Variants in KIF26B observed in about 807,000 individuals in gnomAD.
KIF26B encodes kinesin-like protein KIF26B.
A neutral mutation model predicts 151.2 loss-of-function variants in KIF26B; 63 were observed. That is an observed-to-expected ratio of 0.42 (90% CI 0.34 to 0.51). The LOEUF is 0.51. Among genes scored for constraint, KIF26B ranks in the 20% least tolerant of loss-of-function variants. KIF26B has a pLI of 0.07. For missense variants in KIF26B, 2,813 were observed against 2,913.6 expected (o/e 0.97, Z 0.79); for synonymous variants, 1,357 against 1,262.1 (o/e 1.08, Z -1.59).
chr1:245,354,837 A>G (rs1672649664), intron 2 of KIF26B, among the ~76,000 whole-genome samples: 1 of 152,244 alleles, frequency 6.6e-6, no homozygotes, highest in Non-Finnish European at 1.5e-5. Flanking sequence ...AGCAGGTGAG[A>G]AGGAATCAGA....
At chr1:245,158,898 C>T (rs1354730878) in intron 2 of KIF26B, among the ~76,000 whole-genome samples, 1 of 151,210 alleles carries the variant, frequency 6.6e-6, no homozygotes, top group Non-Finnish European at 1.5e-5. Flanking sequence ...TTGTACCTTG[C>T]ATTTAGGTAC....
intron 2 of KIF26B, among the ~76,000 whole-genome samples, chr1:245,364,229 G>A (rs1234678000): frequency 2.0e-5 from 3 of 152,128 alleles, no homozygotes; most frequent in Non-Finnish European, 4.4e-5. Context: ...GCTGAATAAA[G>A]AAGGTGGTGC....
At chr1:245,640,122 G>GCTCTCTCTCTCTCTCTCTCTCTTTCT (rs376565844) in intron 9 of KIF26B, among the ~76,000 whole-genome samples, 1 of 53,974 alleles carries the variant, frequency 1.9e-5, no homozygotes, top group African/African-American at 7.5e-5. Context: ...ACTAATATTT[G>GCTCTCTCTCTCTCTCTCTCTCTTTCT]CTCTCTCTCT....
intron 2 of KIF26B, among the ~76,000 whole-genome samples, chr1:245,335,710 T>C (rs111474319): frequency 0.02 from 1,464 of 74,426 alleles, 15 homozygotes; most frequent in Middle Eastern, 0.097. Context: ...GGGTCCCACG[T>C]GGGGAAAGAA....
chr1:245,565,581 C>T (rs12734888), intron 5 of KIF26B, among the ~76,000 whole-genome samples: 20,632 of 152,188 alleles, frequency 0.14, 1,779 homozygotes, highest in Non-Finnish European at 0.19. Context: ...TGAGCCACTG[C>T]GCCGAGCCTC....
intron 2 of KIF26B, among the ~76,000 whole-genome samples, chr1:245,182,800 T>C (rs1250893247): frequency 6.6e-6 from 1 of 152,092 alleles, no homozygotes; most frequent in Non-Finnish European, 1.5e-5. Flanking sequence ...CATGCCTGGC[T>C]AATTTTTTGT....
intron 3 of KIF26B, among the ~76,000 whole-genome samples, chr1:245,378,366 A>G (rs1673325769): frequency 6.6e-6 from 1 of 151,980 alleles, no homozygotes; most frequent in South Asian, 2.1e-4. Context: ...GAATGTGGCT[A>G]TTATCACCCA....
At chr1:245,169,917 T>C (rs934937780) in intron 2 of KIF26B, among the ~76,000 whole-genome samples, 1 of 152,150 alleles carries the variant, frequency 6.6e-6, no homozygotes, top group Non-Finnish European at 1.5e-5. Flanking sequence ...AGAGGATTTA[T>C]TTATGCTGCT....
chr1:245,530,338 T>C (rs1661333908), intron 4 of KIF26B, among the ~76,000 whole-genome samples: 1 of 152,124 alleles, frequency 6.6e-6, no homozygotes, highest in African/African-American at 2.4e-5. Context: ...TGGGTATTTA[T>C]CCAAAGGATA....
chr1:245,561,991 G>T (rs529329511), intron 5 of KIF26B, among the ~76,000 whole-genome samples: 17 of 152,286 alleles, frequency 1.1e-4, no homozygotes, highest in African/African-American at 4.1e-4. Context: ...ACTCTTCAGT[G>T]GTTTCTCCCA....
At chr1:245,249,786 A>G (rs1353351922) in intron 2 of KIF26B, among the ~76,000 whole-genome samples, 5 of 152,138 alleles carry the variant, frequency 3.3e-5, no homozygotes, top group Admixed American at 2.6e-4. Context: ...TCAAAATGCA[A>G]TTTATTTTGG....
At chr1:245,348,372 G>T (rs1672500508) in intron 2 of KIF26B, among the ~76,000 whole-genome samples, 1 of 152,120 alleles carries the variant, frequency 6.6e-6, no homozygotes, top group African/African-American at 2.4e-5. Flanking sequence ...GTCTTAGTCT[G>T]CTCAGGCTGA....
chr1:245,669,568 G>A (rs775429883), intron 10 of KIF26B, among the ~76,000 whole-genome samples: 7 of 152,192 alleles, frequency 4.6e-5, no homozygotes, highest in Non-Finnish European at 7.3e-5. Context: ...CAAGGAGCAC[G>A]TGAAAAGATA....
chr1:245,206,437 G>A (rs756029717), intron 2 of KIF26B: 1 of 152,260 alleles, frequency 6.6e-6, no homozygotes, highest in Non-Finnish European at 1.5e-5. Context: ...GGGAAAGGGA[G>A]TGGGGATAGA....
intron 5 of KIF26B, among the ~76,000 whole-genome samples, chr1:245,580,973 G>A (rs1273566118): frequency 4.6e-5 from 7 of 152,178 alleles, no homozygotes; most frequent in East Asian, 3.8e-4. Context: ...ACGCAGACCC[G>A]AGACAAGGGT....
intron 2 of KIF26B, among the ~76,000 whole-genome samples, chr1:245,302,328 C>T (rs1452725385): frequency 2.0e-5 from 3 of 152,206 alleles, no homozygotes; most frequent in Non-Finnish European, 2.9e-5. Flanking sequence ...ATAATCTCGT[C>T]TTGGGAGAGA....
At chr1:245,185,124 G>A (rs571683318) in intron 2 of KIF26B, among the ~76,000 whole-genome samples, 2 of 151,780 alleles carry the variant, frequency 1.3e-5, no homozygotes, top group African/African-American at 4.8e-5. Flanking sequence ...TCTGCTGTGT[G>A]CTAAGGTGGT....
chr1:245,419,603 A>G lies in KIF26B; in HGVS notation c.1024A>G (p.Ser342Gly), dbSNP rs1284226189. 7.4e-6 allele frequency: 12 copies of G among 1,612,388 alleles called. No individual in the cohort carries two copies. The African/African-American group carries it at 1.6e-4, about 22-fold the overall frequency. Reference sequence around the variant, plus strand: ...GATCTCCCAGCTGATGACAGAGAGTAGCCGGGAGGGACTAACAGAAGCAGT... The same window carrying G: ...GATCTCCCAGCTGATGACAGAGAGTGGCCGGGAGGGACTAACAGAAGCAGT... The part of the protein sequence containing the change: ...YQISQLMTES[S>G]REGLTEAVLN... Residue 342 changes from serine (S) to glycine (G), a missense_variant, in exon 4 of 15, where the codon AGC becomes GGC. Around this residue, in one of 3 missense-constraint regions of KIF26B, gnomAD observed 676 missense variants for 688.1 expected, o/e 0.98. Transcript: ENST00000407071.
intron 10 of KIF26B, among the ~76,000 whole-genome samples, chr1:245,683,265 C>T (rs975976201): frequency 7.9e-5 from 12 of 152,122 alleles, no homozygotes; most frequent in African/African-American, 1.9e-4. Flanking sequence ...CATCTGGAAT[C>T]GCAGACACAG....
Sources: allele counts gnomAD v4.1 joint callset (sites outside exome capture counted in the v4.1 genomes callset), GRCh38; gene constraint gnomAD v4.1.1; regional missense constraint gnomAD v4.1.1; transcripts MANE v1.5; gene names NCBI Gene and HGNC (gene_info 2026-07-23, HGNC 2026-07-21).